HSPG2: variants seen among roughly 807,000 people sequenced by gnomAD.
The protein encoded by HSPG2 is basement membrane-specific heparan sulfate proteoglycan core protein.
HSPG2 carries 278 observed loss-of-function variants against 526.6 expected under a neutral mutation model. The ratio of observed to expected loss-of-function variants is 0.53; its 90% CI spans 0.48 to 0.58. The LOEUF is 0.58. Among genes scored for constraint, HSPG2 ranks in the 20% least tolerant of loss-of-function variants. HSPG2 has a pLI of 0.00. For synonymous variants in HSPG2, 2,465 were observed against 2,555.4 expected (o/e 0.96, Z 1.07); for missense variants, 5,354 against 6,099.5 (o/e 0.88, Z 4.07).
At chr1:21,870,342 T>C (rs1640549827) in intron 33 of HSPG2, 1 of 972,616 alleles carries the variant, frequency 1.0e-6, no homozygotes, top group Non-Finnish European at 1.2e-6. Flanking sequence ...GCAGGCGAGC[T>C]AAGACCTCCC....
rs774889674 is a variant in HSPG2, at chr1:21,850,457, G to A, written c.7200C>T (p.Ala2400=). The change falls in exon 56 of 97, where the codon GCC becomes GCT. Residue 2400 remains alanine (A), a synonymous_variant. Coordinates refer to ENST00000374695, the MANE Select transcript of HSPG2 (RefSeq NM_005529.7). ...CTCGGCACACGTACTCGCCCGAGTCGGCGGGGGACGCTTGGTAGAGTCTCA... is the reference window on the plus strand; with the variant it reads ...CTCGGCACACGTACTCGCCCGAGTCAGCGGGGGACGCTTGGTAGAGTCTCA... ...SLLRLYQASP[A]DSGEYVCRVL... is the part of the protein sequence containing the mutation. 7 of 1,612,158 alleles carry A rather than the reference G, an allele frequency of 4.3e-6. No individual in the cohort carries two copies. The highest frequency in any genetic ancestry group is 5.1e-6 in the Non-Finnish European group (6 of 1,179,438).
chr1:21,853,781 TAAAATAAAATAAAATAATA>T, intron 50 of HSPG2: 2 of 195,488 alleles, frequency 1.0e-5, no homozygotes, highest in South Asian at 7.9e-5. Flanking sequence ...TAAAATAAAA[TAAAATAAAATAAAATAATA>T]AAAAAACCAC....
Position 21,822,528 on chromosome 1 carries a change from T to C in HSPG2, c.*788A>G. On this transcript the variant is annotated 3_prime_UTR_variant, in exon 97 of 97. Coordinates refer to ENST00000374695, the MANE Select transcript of HSPG2 (RefSeq NM_005529.7). ...GTCTGTTGGAGGAGTCCCTGGGCCT[T>C]CACTTCCAGATGGGTGGGGATGTGG... is the stretch of plus-strand genomic sequence containing the variant. 1 of 279,336 alleles carries C rather than the reference T, an allele frequency of 3.6e-6. No homozygotes were observed. The allele number at this position is 279,336 out of a possible 1,614,324, so 17.3% of individuals were successfully genotyped here.
chr1:21,823,688 C>G lies in HSPG2; in HGVS notation c.12931G>C (p.Gly4311Arg). Residue 4311 changes from glycine (G) to arginine (R), a missense_variant, in exon 96 of 97, where the codon GGT (glycine) becomes CGT (arginine). Coordinates refer to ENST00000374695, the MANE Select transcript of HSPG2 (RefSeq NM_005529.7). Reference sequence around the variant, plus strand: ...GACCGGCCGCTGACCAGCTCCTCACCGTCGACTTGGATGGAACCTCTGCGG... The same window carrying G: ...GACCGGCCGCTGACCAGCTCCTCACGGTCGACTTGGATGGAACCTCTGCGG... ...EGRRGSIQVD[G>R]EELVSGRSPG... The G allele has an allele frequency of 1.9e-6, 3 of 1,613,668 alleles. No individual in the cohort carries two copies. The highest frequency in any genetic ancestry group is 2.5e-6 in the Non-Finnish European group (3 of 1,180,008).
At chr1:21,876,462 C>G (rs1641073896) in intron 22 of HSPG2, 50 bp downstream of exon 22, 1 of 1,612,626 alleles carries the variant, frequency 6.2e-7, no homozygotes, top group South Asian at 1.1e-5. Flanking sequence ...GGCGCTTGGT[C>G]CATCCGGCCC....
chr1:21,824,042 T>C lies in HSPG2; in HGVS notation c.12899+79A>G, dbSNP rs2097960611. On this transcript the variant is annotated intron_variant, in intron 95 of 96. Coordinates refer to ENST00000374695, the MANE Select transcript of HSPG2 (RefSeq NM_005529.7). The surrounding 1 kb of genome is among the most constrained non-coding windows in gnomAD (Gnocchi z 5.9). ...GTCTCCACAGAGCTCAATACCTGCC[T>C]CTCTGCCCATGGTAGGGGGCGTCCT... is the stretch of plus-strand genomic sequence containing the variant. The C allele has an allele frequency of 3.0e-6, 4 of 1,321,952 alleles. No homozygotes were observed. The East Asian group carries it at 9.7e-5, about 32-fold the overall frequency. 81.9% of individuals were successfully genotyped at this position (1,321,952 alleles called of 1,614,324 possible).
At chr1:21,907,885 G>C (rs895230367) in intron 1 of HSPG2, among the ~76,000 whole-genome samples, 4 of 152,184 alleles carry the variant, frequency 2.6e-5, no homozygotes, top group Non-Finnish European at 4.4e-5. Flanking sequence ...TTAGCTGTGA[G>C]GCCATGAGCA....
rs774906445 is a variant in HSPG2 at position 21,829,388 on chromosome 1, C to A, written c.11987G>T (p.Gly3996Val). The A allele has an allele frequency of 3.1e-6, 5 of 1,613,334 alleles. No homozygotes were observed. The highest frequency in any genetic ancestry group is 4.2e-6 in the Non-Finnish European group (5 of 1,179,894). The stretch of plus-strand genomic sequence containing the variant: ...ATTTGGTGCTGGGTGCTTACCTGAC[C>A]CCAACTCATAGCGGAACTCCAGGTG... ...GGHLEFRYEL[G>V]SGLAVLRSAE... The change falls in exon 87 of 97, where the codon GGG becomes GTG. Residue 3996 changes from glycine (G) to valine (V), a missense_variant. Physicochemically the swap from Gly to Val is moderately radical, Grantham distance 109 (BLOSUM62 -3). Coordinates refer to ENST00000374695, the MANE Select transcript of HSPG2 (RefSeq NM_005529.7).
rs537908254 is a variant in HSPG2, at chr1:21,824,136, C to T, written c.12884G>A (p.Arg4295Gln). 1.7e-4 allele frequency: 272 copies of T among 1,613,324 alleles called. No homozygotes were observed. The Admixed American group carries it at 2.6e-3, about 15-fold the overall frequency. Reference protein sequence around the residue: ...EDPINDGEWHRVTALREGRRG... With the variant: ...EDPINDGEWHQVTALREGRRG... The stretch of plus-strand genomic sequence containing the variant: ...GGTCCCTTACCGCAGTGCTGTCACC[C>T]GGTGCCACTCGCCGTCATTGATGGG... The change falls in exon 95 of 97, where the codon CGG (arginine) becomes CAG (glutamine). Residue 4295 changes from arginine to glutamine, a missense_variant. By Grantham distance (43) the Arg-to-Gln change is conservative. Transcript: ENST00000374695. This position sits in a 1 kb window ranked among gnomAD's most constrained non-coding sequence, Gnocchi z 5.9.
chr1:21,876,187 C>T, intron 23 of HSPG2, 42 bp downstream of exon 23: 2 of 1,579,896 alleles, frequency 1.3e-6, no homozygotes, highest in Non-Finnish European at 1.7e-6. Flanking sequence ...TGCGCTGTTC[C>T]TGCTGCCTGG....
At chr1:21,896,760 C>T (rs1276969173) in intron 1 of HSPG2, among the ~76,000 whole-genome samples, 2 of 152,116 alleles carry the variant, frequency 1.3e-5, no homozygotes, top group African/African-American at 2.4e-5. Flanking sequence ...AAGTCAAGGG[C>T]GAGCTGCTCA....
At chr1:21,931,468 C>T (rs1262753037) in intron 1 of HSPG2, among the ~76,000 whole-genome samples, 8 of 152,124 alleles carry the variant, frequency 5.3e-5, no homozygotes, top group Non-Finnish European at 8.8e-5. Context: ...GGAGCAGGAG[C>T]GAGAGGAGAA....
Position 21,887,809 on chromosome 1 carries a change from CCCTT to C in HSPG2, c.703+125_703+128del. 2 of 1,567,714 alleles carry C rather than the reference CCCTT, an allele frequency of 1.3e-6. No individual in the cohort carries two copies. The highest frequency in any genetic ancestry group is 2.2e-5 in the South Asian group (2 of 89,710). The stretch of plus-strand genomic sequence containing the variant: ...CACCCCCTGCCTGGCTCTGTCATCA[CCCTT>C]CCTATGCCCCCATCCTCTGCCTGCA... On this transcript the variant is annotated intron_variant, in intron 7 of 96. Transcript: ENST00000374695. This position sits in a 1 kb window ranked among gnomAD's most constrained non-coding sequence, Gnocchi z 5.0.
At chr1:21,855,254 C>T (rs1167476120) in intron 47 of HSPG2, 50 bp downstream of exon 47, 1 of 1,567,998 alleles carries the variant, frequency 6.4e-7, no homozygotes, top group Non-Finnish European at 8.6e-7. Flanking sequence ...GGCTGGGACT[C>T]TCTGCAGAGC....
At chr1:21,852,567 G>C in intron 52 of HSPG2, 133 bp downstream of exon 52, 1 of 1,263,268 alleles carries the variant, frequency 7.9e-7, no homozygotes, top group Admixed American at 1.8e-5. Flanking sequence ...AGGTGGAGTC[G>C]GCCTGGGCAG....
intron 37 of HSPG2, among the ~76,000 whole-genome samples, chr1:21,863,071 A>AAAAAAC (rs1557740543): frequency 7.3e-6 from 1 of 137,136 alleles, no homozygotes; most frequent in African/African-American, 2.8e-5. Flanking sequence ...AAAAAAAAAA[A>AAAAAAC]AAAAAAAAAA....
chr1:21,925,870 A>T lies in HSPG2; in HGVS notation c.63+11285T>A, dbSNP rs1358019515. On this transcript the variant is annotated intron_variant, in intron 1 of 96. Transcript: ENST00000374695. Reference sequence around the variant, plus strand: ...GGCCAGCCATTCCCTCTATTTTTTTATTTTTATTTTTTTTTTTGAGACAGT... The same window carrying T: ...GGCCAGCCATTCCCTCTATTTTTTTTTTTTTATTTTTTTTTTTGAGACAGT... Among the ~76,000 whole-genome samples the T allele has an allele frequency of 2.0e-5, 3 of 150,086 alleles. No homozygotes were observed. The South Asian group carries it at 6.3e-4, about 32-fold the overall frequency.
At chr1:21,881,222 C>T (rs1641478491) in intron 14 of HSPG2, 117 bp downstream of exon 14, 2 of 1,219,792 alleles carry the variant, frequency 1.6e-6, no homozygotes, top group East Asian at 2.3e-5. Flanking sequence ...CAGGGGGCTG[C>T]ATCGGGGCAT....
intron 1 of HSPG2, among the ~76,000 whole-genome samples, chr1:21,934,289 G>A (rs1644424017): frequency 6.6e-6 from 1 of 152,228 alleles, no homozygotes; most frequent in African/African-American, 2.4e-5. Flanking sequence ...TGAGAGCAAG[G>A]GTAGCAGGCA....
Sources: gnomAD v4.1 joint callset for allele counts (sites outside exome capture counted in the v4.1 genomes callset) on GRCh38, gnomAD v4.1.1 for gene constraint, Gnocchi (gnomAD v3.1) non-coding constraint, MANE v1.5 for transcripts, NCBI Gene and HGNC (gene_info 2026-07-23, HGNC 2026-07-21) for gene names.